PSMD12: variants seen among roughly 807,000 people sequenced by gnomAD.
The protein encoded by PSMD12 is 26S proteasome non-ATPase regulatory subunit 12.
A neutral mutation model predicts 62.9 loss-of-function variants in PSMD12; 8 were observed. That is an observed-to-expected ratio of 0.13 (90% CI 0.07 to 0.23). The LOEUF is 0.23. Among genes scored for constraint, PSMD12 ranks in the 10% least tolerant of loss-of-function variants. PSMD12 has a pLI of 1.00. For missense variants in PSMD12, 424 were observed against 550.2 expected (o/e 0.77, Z 2.29); for synonymous variants, 173 against 187.4 (o/e 0.92, Z 0.63).
chr17:67,345,897 A>G, intron 7 of PSMD12, 40 bp from the exon 8 acceptor site: 2 of 1,520,000 alleles, frequency 1.3e-6, no homozygotes, highest in South Asian at 2.3e-5. Context: ...AAGACTGGAC[A>G]TAATGGAAAC....
chr17:67,351,506 G>A (rs1270168249), intron 3 of PSMD12, among the ~76,000 whole-genome samples: 1 of 151,504 alleles, frequency 6.6e-6, no homozygotes, highest in Non-Finnish European at 1.5e-5. Flanking sequence ...AAAGTGAATA[G>A]AATATCTTAG....
chr17:67,342,962 G>C (rs1360199470), intron 9 of PSMD12, among the ~76,000 whole-genome samples: 2 of 150,030 alleles, frequency 1.3e-5, no homozygotes, highest in Non-Finnish European at 3.0e-5. Context: ...AAAAAGATTA[G>C]ACATCATTTC....
In PSMD12 at chr17:67,364,427, G is replaced by A. The variant is rs578153957; in HGVS notation, c.108+1985C>T. Among the ~76,000 whole-genome samples the A allele has an allele frequency of 1.2e-3, 180 of 152,342 alleles. 3 individuals are homozygous for A. In the South Asian group the frequency reaches 0.027, roughly 23 times the overall value. On this transcript the variant is annotated intron_variant, in intron 1 of 10. Transcript: ENST00000356126. ...TAAGATCACCAGAACAACTGTAGCA[G>A]TGAAGTCTTTTTTCTTACTGATCTA...
At chr17:67,362,032 C>T (rs558518532) in intron 1 of PSMD12, among the ~76,000 whole-genome samples, 7 of 151,864 alleles carry the variant, frequency 4.6e-5, no homozygotes, top group Admixed American at 3.9e-4. Context: ...TCAAGGTCAT[C>T]GCCAAGATCT....
rs2143697090 is a variant in PSMD12, at chr17:67,347,539, G to C, written c.511-54C>G. On this transcript the variant is annotated intron_variant, in intron 5 of 10. Coordinates refer to ENST00000356126, the MANE Select transcript of PSMD12 (RefSeq NM_002816.5). ...ATAATACTTTGCAATTTTGTGAATT[G>C]CAATAAAATGAAATAGATATTAAAA... 2.0e-6 allele frequency: 3 copies of C among 1,488,070 alleles called. No homozygotes were observed. The South Asian group carries it at 3.7e-5, about 19-fold the overall frequency. 92.2% of individuals were successfully genotyped at this position (1,488,070 alleles called of 1,614,324 possible). A position where few individuals can be genotyped will look rare whatever the true frequency, so the allele number is the denominator to read the frequency against.
In PSMD12 at chr17:67,347,329, T is replaced by C; in HGVS notation, c.660+7A>G. 3 of 1,613,568 alleles carry C rather than the reference T, an allele frequency of 1.9e-6. No homozygotes were observed. The highest frequency in any genetic ancestry group is 1.3e-5 in the African/African-American group (1 of 75,052). ...TAAAGTAAACATGTGGTCACAGATA[T>C]GCTCACCTCTGTATTTTCTTCCTGG... is the stretch of plus-strand genomic sequence containing the variant. On this transcript the variant is annotated splice_region_variant and intron_variant, in intron 6 of 10. Transcript: ENST00000356126.
At chr17:67,364,884 T>C (rs1567963230) in intron 1 of PSMD12, among the ~76,000 whole-genome samples, 1 of 152,120 alleles carries the variant, frequency 6.6e-6, no homozygotes, top group Non-Finnish European at 1.5e-5. Flanking sequence ...GGGCAGGTGC[T>C]CGAAAGTTCA....
intron 3 of PSMD12, among the ~76,000 whole-genome samples, chr17:67,355,993 C>T (rs984994191): frequency 6.6e-6 from 1 of 151,020 alleles, no homozygotes; most frequent in Non-Finnish European, 1.5e-5. Context: ...CACACACACA[C>T]ACACACACAC....
chr17:67,347,799 C>T lies in PSMD12; in HGVS notation c.511-314G>A, dbSNP rs895359178. ...TCCCTTTATAATCACACACTTCCCC[C>T]ACTCATAAGCCCTCCTAAGACATCC... On this transcript the variant is annotated intron_variant, in intron 5 of 10. Transcript: ENST00000356126. 2.0e-5 allele frequency among the ~76,000 whole-genome samples: 3 copies of T among 152,156 alleles called. No homozygotes were observed. In the South Asian group the frequency reaches 6.2e-4, roughly 32 times the overall value.
intron 1 of PSMD12, among the ~76,000 whole-genome samples, chr17:67,362,599 T>C (rs1385325254): frequency 1.3e-5 from 2 of 150,308 alleles, no homozygotes; most frequent in African/African-American, 2.5e-5. Context: ...GAGATGGAGG[T>C]TGCAGTGAGC....
chr17:67,366,327 C>T, intron 1 of PSMD12, 85 bp downstream of exon 1: 2 of 1,312,262 alleles, frequency 1.5e-6, no homozygotes, highest in Non-Finnish European at 2.1e-6. Context: ...CACGCTCCAG[C>T]CCGCAGGCCC....
intron 5 of PSMD12, among the ~76,000 whole-genome samples, chr17:67,348,110 A>G (rs528631521): frequency 4.5e-4 from 69 of 152,298 alleles, no homozygotes; most frequent in African/African-American, 1.5e-3. Flanking sequence ...TTACGTAAAC[A>G]TAAGTTTTCA....
chr17:67,344,768 C>A lies in PSMD12; in HGVS notation c.921G>T (p.Lys307Asn), dbSNP rs1285571759. The part of the protein sequence containing the change: ...EEIPKYKDLL[K>N]LFTTMELMRW... ...GCATCAACTCCATTGTGGTAAAAAG[C>A]TTTAAAAGATCCCTGAAAATTGTAT... The change falls in exon 9 of 11, where the codon AAG (lysine) becomes AAT (asparagine). Residue 307 changes from lysine to asparagine, a missense_variant. Lys to Asn is a moderately conservative substitution (Grantham distance 94). Transcript: ENST00000356126. 1.3e-6 allele frequency: 2 copies of A among 1,579,774 alleles called. No homozygotes were observed. Among genetic ancestry groups the A allele is most frequent in the South Asian group, 2.3e-5 (2 of 85,712 alleles).
Position 67,342,167 on chromosome 17 carries a change from A to C in PSMD12, c.1161+19T>G. 6.6e-7 allele frequency: 1 copy of C among 1,513,224 alleles called. No individual in the cohort carries two copies. Among genetic ancestry groups the C allele is most frequent in the Non-Finnish European group, 9.1e-7 (1 of 1,097,302 alleles). 93.7% of individuals were successfully genotyped at this position (1,513,224 alleles called of 1,614,324 possible). A position where few individuals can be genotyped will look rare whatever the true frequency, so the allele number is the denominator to read the frequency against. The stretch of plus-strand genomic sequence containing the variant: ...CAAAAGGAATGCCTACAAATAACTC[A>C]AAGTTGATTACTACTTACATCAACA... On this transcript the variant is annotated intron_variant, in intron 10 of 10. Transcript: ENST00000356126.
rs1173734239 is a variant in PSMD12, at chr17:67,347,203, A to G, written c.708T>C (p.His236=). ...YYNLMIQLDQ[H]EGSYLSICKH... is the part of the protein sequence containing the mutation. ...TACAAATAGACAAATAGGATCCCTC[A>G]TGTTGATCCAGCTGAATCATTAAAT... is the stretch of plus-strand genomic sequence containing the variant. Residue 236 remains histidine (H), a synonymous_variant, in exon 7 of 11, where the codon CAT becomes CAC. Transcript: ENST00000356126. 5 of 1,613,592 alleles carry G rather than the reference A, an allele frequency of 3.1e-6. No homozygotes were observed. The highest frequency in any genetic ancestry group is 2.7e-5 in the African/African-American group (2 of 74,924).
At chr17:67,347,553 T>C (rs1185450159) in intron 5 of PSMD12, 68 bp from the exon 6 acceptor site, 3 of 1,423,266 alleles carry the variant, frequency 2.1e-6, no homozygotes, top group Non-Finnish European at 9.6e-7. Context: ...TAAAATGAAA[T>C]AGATATTAAA....
Position 67,366,498 on chromosome 17 carries a change from G to C in PSMD12, c.22C>G (p.Arg8Gly), listed in dbSNP as rs1191294331. The C allele has an allele frequency of 6.2e-7, 1 of 1,607,746 alleles. No homozygotes were observed. Among genetic ancestry groups the C allele is most frequent in the Admixed American group, 1.7e-5 (1 of 59,906 alleles). Residue 8 changes from arginine (R) to glycine (G), a missense_variant, in exon 1 of 11, where the codon CGG becomes GGG. Coordinates refer to ENST00000356126, the MANE Select transcript of PSMD12 (RefSeq NM_002816.5). ...ATCTTGACGATGCGCCCGTCAGCCC[G>C]CTCCGAGCCGCCGTCCGCCATGGTC... Reference protein sequence around the residue: MADGGSERADGRIVKMEV... With the variant: MADGGSEGADGRIVKMEV...
chr17:67,352,877 T>G lies in PSMD12; in HGVS notation c.298-2541A>C, dbSNP rs536436553. 2.0e-5 allele frequency among the ~76,000 whole-genome samples: 3 copies of G among 152,330 alleles called. No homozygotes were observed. The East Asian group carries it at 5.8e-4, about 29-fold the overall frequency. ...GGCAGTGCTTGTGCTCAAGCAACCC[T>G]TATTATACTTCACAATGGCTTCAAA... On this transcript the variant is annotated intron_variant, in intron 3 of 10. Transcript: ENST00000356126.
intron 5 of PSMD12, among the ~76,000 whole-genome samples, chr17:67,347,994 G>A (rs992689716): frequency 1.1e-4 from 16 of 152,246 alleles, no homozygotes; most frequent in Middle Eastern, 3.4e-3. Context: ...GTATTCCATC[G>A]TACAGACATA....
Sources: allele counts gnomAD v4.1 joint callset (sites outside exome capture counted in the v4.1 genomes callset), GRCh38; gene constraint gnomAD v4.1.1; transcripts MANE v1.5; gene names NCBI Gene and HGNC (gene_info 2026-07-23, HGNC 2026-07-21).